CNTN6: variants seen among roughly 807,000 people sequenced by gnomAD.
CNTN6 encodes contactin 6.
A neutral mutation model predicts 122.8 loss-of-function variants in CNTN6; 137 were observed. The ratio of observed to expected loss-of-function variants is 1.12; its 90% CI spans 0.97 to 1.29. CNTN6 has a LOEUF of 1.29. CNTN6 is among the 50% of genes most tolerant of loss of function. The pLI, the probability that CNTN6 is intolerant of heterozygous loss-of-function variation, is 0.00. For missense variants in CNTN6, 1,634 were observed against 1,223.4 expected, an observed-to-expected ratio of 1.34 and a Z score of -5.01; for synonymous variants, 570 against 426.0, an observed-to-expected ratio of 1.34 and a Z score of -4.16.
chr3:1,277,264 G>T (rs999804923), intron 4 of CNTN6, among the ~76,000 whole-genome samples: 5 of 150,486 alleles, frequency 3.3e-5, no homozygotes, highest in African/African-American at 1.2e-4. Context: ...CACAATAAAG[G>T]TAAAATACCT....
chr3:1,331,838 GA>G (rs537792090), intron 11 of CNTN6, among the ~76,000 whole-genome samples: 11 of 141,666 alleles, frequency 7.8e-5, no homozygotes, highest in South Asian at 2.2e-4. Flanking sequence ...ATGAGAGAGA[GA>G]AAAAAAAAAG....
intron 2 of CNTN6, among the ~76,000 whole-genome samples, chr3:1,195,942 T>G (rs1171517184): frequency 6.6e-6 from 1 of 152,176 alleles, no homozygotes; most frequent in Non-Finnish European, 1.5e-5. Context: ...ACACAAGGCT[T>G]GCACAAAACT....
intron 4 of CNTN6, among the ~76,000 whole-genome samples, chr3:1,246,095 AC>A (rs1324921581): frequency 6.6e-6 from 1 of 152,160 alleles, no homozygotes; most frequent in Non-Finnish European, 1.5e-5. Context: ...ACAGAAAAGT[AC>A]AAAAAACATG....
intron 7 of CNTN6, among the ~76,000 whole-genome samples, chr3:1,309,499 A>G (rs116174555): frequency 0.014 from 2,138 of 152,258 alleles, 60 homozygotes; most frequent in African/African-American, 0.048. Context: ...TTCTTTTGCC[A>G]TTACCACATT....
intron 1 of CNTN6, among the ~76,000 whole-genome samples, chr3:1,118,065 A>G (rs1454381206): frequency 6.6e-6 from 1 of 152,148 alleles, no homozygotes; most frequent in Non-Finnish European, 1.5e-5. Context: ...ACAAATACCT[A>G]TGCCATGTTT....
intron 4 of CNTN6, among the ~76,000 whole-genome samples, chr3:1,265,044 CTTTTTT>C (rs201949693): frequency 9.9e-6 from 1 of 100,774 alleles, no homozygotes. Flanking sequence ...ACCGAATTTC[CTTTTTT>C]TTTTTTTTTT....
chr3:1,389,741 A>G (rs1425042739), intron 20 of CNTN6, among the ~76,000 whole-genome samples: 1 of 150,192 alleles, frequency 6.7e-6, no homozygotes, highest in Non-Finnish European at 1.5e-5. Flanking sequence ...GAAAACAAAA[A>G]AAGGCAGGGG....
chr3:1,166,735 G>A (rs1317947579), intron 2 of CNTN6, among the ~76,000 whole-genome samples: 2 of 152,114 alleles, frequency 1.3e-5, no homozygotes, highest in Non-Finnish European at 2.9e-5. Flanking sequence ...CCTTTGCAGG[G>A]ACATGGATGA....
At chr3:1,388,054 C>G (rs1247530486) in intron 20 of CNTN6, among the ~76,000 whole-genome samples, 1 of 148,076 alleles carries the variant, frequency 6.8e-6, no homozygotes, top group Non-Finnish European at 1.5e-5. Context: ...CTGGGTGGAG[C>G]CCACCACAGC....
intron 4 of CNTN6, among the ~76,000 whole-genome samples, chr3:1,232,207 G>C (rs921070505): frequency 6.6e-6 from 1 of 152,106 alleles, no homozygotes; most frequent in Admixed American, 6.5e-5. Context: ...GGGGCTTTTT[G>C]ATCCTACATT....
intron 12 of CNTN6, among the ~76,000 whole-genome samples, chr3:1,358,820 C>T (rs1201804667): frequency 6.6e-6 from 1 of 151,996 alleles, no homozygotes; most frequent in Non-Finnish European, 1.5e-5. Flanking sequence ...CCTGTAATCC[C>T]AGCACTTTGA....
rs536813668 is a variant in CNTN6 at position 1,099,213 on chromosome 3, A to G, written c.-83+6093A>G. Among the ~76,000 whole-genome samples, 4 of 152,268 alleles carry G rather than the reference A, an allele frequency of 2.6e-5. No individual in the cohort carries two copies. The South Asian group carries it at 6.2e-4, about 24-fold the overall frequency. ...ACGCCTGTAATCCCAGCACTTTGGG[A>G]GGCCGAGGCGGGCGGATCACGAGGT... is the stretch of plus-strand genomic sequence containing the variant. On this transcript the variant is annotated intron_variant, in intron 1 of 22. Coordinates refer to ENST00000446702, the MANE Select transcript of CNTN6 (RefSeq NM_001289080.2).
intron 3 of CNTN6, among the ~76,000 whole-genome samples, chr3:1,224,651 A>T (rs1451168224): frequency 1.3e-5 from 2 of 152,208 alleles, no homozygotes; most frequent in African/African-American, 4.8e-5. Flanking sequence ...TTTGAAAAAC[A>T]CCAACAGGCA....
intron 1 of CNTN6, among the ~76,000 whole-genome samples, chr3:1,129,845 T>C (rs2092288077): frequency 1.3e-5 from 2 of 149,120 alleles, no homozygotes; most frequent in South Asian, 4.2e-4. Context: ...AGTCATGCTT[T>C]TGAAAACTAT....
intron 12 of CNTN6, among the ~76,000 whole-genome samples, chr3:1,360,524 T>C (rs1178120221): frequency 6.6e-6 from 1 of 152,106 alleles, no homozygotes; most frequent in Non-Finnish European, 1.5e-5. Context: ...GTTATATTCA[T>C]CTATATGTAT....
At chr3:1,209,727 ACAGGTAAAACTGTGAGCCC>A (rs376423074) in intron 2 of CNTN6, among the ~76,000 whole-genome samples, 18,219 of 148,682 alleles carry the variant, frequency 0.12, 1,181 homozygotes, top group African/African-American at 0.16. Context: ...TGTTGGTTGG[ACAGGTAAAACTGTGAGCCC>A]CAGCACCATC....
At chr3:1,343,753 C>A (rs1350486468) in intron 11 of CNTN6, among the ~76,000 whole-genome samples, 1 of 151,960 alleles carries the variant, frequency 6.6e-6, no homozygotes, top group Non-Finnish European at 1.5e-5. Flanking sequence ...ATTCTCAAAA[C>A]AAGATGATGA....
rs561489538 is a variant in CNTN6, at chr3:1,294,623, A to T, written c.455-978A>T. On this transcript the variant is annotated intron_variant, in intron 5 of 22. Coordinates refer to ENST00000446702, the MANE Select transcript of CNTN6 (RefSeq NM_001289080.2). ...AAGATTTCCAGAGATGGACTGATTG[A>T]TGTTCAGTAAAAACAATGTGTGCCC... 2.0e-5 allele frequency among the ~76,000 whole-genome samples: 3 copies of T among 152,276 alleles called. No homozygotes were observed. The East Asian group carries it at 5.8e-4, about 29-fold the overall frequency.
intron 4 of CNTN6, among the ~76,000 whole-genome samples, chr3:1,239,881 T>C (rs1449551679): frequency 2.0e-5 from 3 of 152,094 alleles, no homozygotes; most frequent in Non-Finnish European, 2.9e-5. Context: ...AAACTTGCAG[T>C]CAACTGATCC....
Sources: gnomAD v4.1 joint callset for allele counts (sites outside exome capture counted in the v4.1 genomes callset) on GRCh38, gnomAD v4.1.1 for gene constraint, MANE v1.5 for transcripts, NCBI Gene and HGNC (gene_info 2026-07-23, HGNC 2026-07-21) for gene names.